CDKAL1: variants seen among roughly 807,000 people sequenced by gnomAD.
CDKAL1 encodes threonylcarbamoyladenosine tRNA methylthiotransferase.
CDKAL1 carries 32 observed loss-of-function variants against 68.2 expected under a neutral mutation model. The observed-to-expected ratio is 0.47, with a 90% CI of 0.35 to 0.63. The LOEUF is 0.63. Ranked by LOEUF, CDKAL1 falls within the 30% of genes least tolerant of loss-of-function variation. The pLI, the probability that CDKAL1 is intolerant of heterozygous loss-of-function variation, is 0.00. For missense variants in CDKAL1, 606 were observed against 696.7 expected (o/e 0.87, Z 1.47); for synonymous variants, 234 against 244.3 (o/e 0.96, Z 0.39).
At chr6:20,597,971 G>A (rs987473168) in intron 4 of CDKAL1, among the ~76,000 whole-genome samples, 1 of 152,174 alleles carries the variant, frequency 6.6e-6, no homozygotes, top group Non-Finnish European at 1.5e-5. Flanking sequence ...ACTACTGAGT[G>A]TTAAAAAAGG....
At chr6:20,709,302 AT>A (rs112081423) in intron 5 of CDKAL1, among the ~76,000 whole-genome samples, 51 of 150,384 alleles carry the variant, frequency 3.4e-4, no homozygotes, top group African/African-American at 7.3e-4. Flanking sequence ...ATACTGTAAG[AT>A]TTTTTTTTTA....
intron 11 of CDKAL1, among the ~76,000 whole-genome samples, chr6:21,009,872 G>A (rs73379550): frequency 0.019 from 2,848 of 152,252 alleles, 92 homozygotes; most frequent in African/African-American, 0.064. Context: ...AGAGAGATTG[G>A]TTAAGGGGTA....
intron 15 of CDKAL1, among the ~76,000 whole-genome samples, chr6:21,207,313 AC>A (rs1778978960): frequency 6.6e-6 from 1 of 151,828 alleles, no homozygotes; most frequent in Non-Finnish European, 1.5e-5. Context: ...GGAGTGCTTG[AC>A]CCCAAGGTTT....
intron 11 of CDKAL1, among the ~76,000 whole-genome samples, chr6:21,064,823 A>G (rs1221168849): frequency 2.0e-5 from 3 of 152,204 alleles, no homozygotes; most frequent in African/African-American, 7.2e-5. Context: ...GAAAGAACAA[A>G]GAACCATTTA....
chr6:20,697,638 T>G (rs530969524), intron 5 of CDKAL1, among the ~76,000 whole-genome samples: 2 of 152,220 alleles, frequency 1.3e-5, no homozygotes, highest in Non-Finnish European at 2.9e-5. Flanking sequence ...GGCAAAAGTT[T>G]TCATACCGTT....
intron 10 of CDKAL1, among the ~76,000 whole-genome samples, chr6:20,971,791 G>C (rs1366286015): frequency 6.6e-6 from 1 of 152,070 alleles, no homozygotes; most frequent in Admixed American, 6.5e-5. Flanking sequence ...ATCTGAAAAG[G>C]GAGCACCATT....
At chr6:21,132,489 AAGGTC>A (rs1424965205) in intron 13 of CDKAL1, among the ~76,000 whole-genome samples, 599 of 152,162 alleles carry the variant, frequency 3.9e-3, no homozygotes, top group African/African-American at 0.014. Context: ...CATTATACAT[AAGGTC>A]TTATTTATGT....
chr6:20,710,422 A>C (rs1771794355), intron 5 of CDKAL1, among the ~76,000 whole-genome samples: 1 of 152,314 alleles, frequency 6.6e-6, no homozygotes, highest in South Asian at 2.1e-4. Context: ...AATAGGCTAC[A>C]CTATATAGTC....
chr6:20,873,023 A>G (rs1156708659), intron 9 of CDKAL1, among the ~76,000 whole-genome samples: 2 of 152,188 alleles, frequency 1.3e-5, no homozygotes, highest in Non-Finnish European at 2.9e-5. Context: ...TCTTGAGCTC[A>G]GTGTAGTGTT....
chr6:20,661,811 AAG>A (rs1283102010), intron 5 of CDKAL1, among the ~76,000 whole-genome samples: 1 of 152,186 alleles, frequency 6.6e-6, no homozygotes. Flanking sequence ...CATTTTAAGC[AAG>A]AGAGTGAGTG....
chr6:21,139,807 C>A (rs1307153000), intron 13 of CDKAL1, among the ~76,000 whole-genome samples: 2 of 152,138 alleles, frequency 1.3e-5, no homozygotes, highest in Non-Finnish European at 2.9e-5. Context: ...TGCTCCCAGC[C>A]TCCTGTGCCT....
At chr6:20,783,854 G>A (rs1028975003) in intron 8 of CDKAL1, among the ~76,000 whole-genome samples, 1 of 152,150 alleles carries the variant, frequency 6.6e-6, no homozygotes. Flanking sequence ...CTCGGTATCT[G>A]TAGGGGATTA....
intron 10 of CDKAL1, among the ~76,000 whole-genome samples, chr6:20,980,339 G>A (rs1004906552): frequency 1.3e-5 from 2 of 152,096 alleles, no homozygotes; most frequent in Non-Finnish European, 2.9e-5. Flanking sequence ...CCAGGTTCAC[G>A]CCATTCTCCT....
chr6:20,957,417 G>A (rs190562571), intron 10 of CDKAL1, among the ~76,000 whole-genome samples: 7 of 152,276 alleles, frequency 4.6e-5, no homozygotes, highest in South Asian at 4.1e-4. Context: ...CTTGGGGAGC[G>A]TCTAAAAATC....
At chr6:21,072,300 G>A (rs1375525298) in intron 12 of CDKAL1, among the ~76,000 whole-genome samples, 4 of 152,094 alleles carry the variant, frequency 2.6e-5, no homozygotes, top group African/African-American at 4.8e-5. Flanking sequence ...TGTCCTCCAC[G>A]GGCTTGTCTT....
chr6:20,690,029 T>C (rs1015375830), intron 5 of CDKAL1, among the ~76,000 whole-genome samples: 2 of 152,218 alleles, frequency 1.3e-5, no homozygotes, highest in Admixed American at 1.3e-4. Flanking sequence ...AAAATACAAT[T>C]TAAAAGTCAC....
intron 9 of CDKAL1, among the ~76,000 whole-genome samples, chr6:20,925,743 A>G (rs1392856538): frequency 6.6e-6 from 1 of 152,176 alleles, no homozygotes; most frequent in African/African-American, 2.4e-5. Context: ...ACTAATGATA[A>G]CACATAGGAA....
At chr6:20,918,137 A>G (rs1459306318) in intron 9 of CDKAL1, among the ~76,000 whole-genome samples, 3 of 152,220 alleles carry the variant, frequency 2.0e-5, no homozygotes, top group African/African-American at 4.8e-5. Flanking sequence ...TAAGAGAGCT[A>G]CCTAGCCCTT....
chr6:21,213,007 C>T (rs1271493852), intron 15 of CDKAL1, among the ~76,000 whole-genome samples: 1 of 152,222 alleles, frequency 6.6e-6, no homozygotes, highest in African/African-American at 2.4e-5. Context: ...CATCAGCCGA[C>T]TTTATCAAGA....
Sources: gnomAD v4.1 joint callset for allele counts (sites outside exome capture counted in the v4.1 genomes callset) on GRCh38, gnomAD v4.1.1 for gene constraint, MANE v1.5 for transcripts, NCBI Gene and HGNC (gene_info 2026-07-23, HGNC 2026-07-21) for gene names.